Variants in TBCE observed in about 807,000 individuals in gnomAD.
The protein encoded by TBCE is tubulin-specific chaperone E.
In TBCE, 53 loss-of-function variants were observed where a neutral mutation model predicts 77.0. The ratio of observed to expected loss-of-function variants is 0.69; its 90% confidence interval spans 0.55 to 0.87. The LOEUF (loss-of-function observed/expected upper bound fraction) is 0.87. Ranked by LOEUF, TBCE falls within the 40% of genes least tolerant of loss-of-function variation. TBCE has a pLI of 0.00. For synonymous variants in TBCE, 235 were observed against 241.3 expected (o/e 0.97, Z 0.24); for missense variants, 624 against 622.4 (o/e 1.00, Z -0.03).
At chr1:235,404,280 A>G (rs1242465831) in intron 3 of TBCE, among the ~76,000 whole-genome samples, 2 of 109,950 alleles carry the variant, frequency 1.8e-5, no homozygotes, top group African/African-American at 3.1e-5. Context: ...CCGGCTCAAG[A>G]AAAAAAAAAA....
intron 15 of TBCE, among the ~76,000 whole-genome samples, chr1:235,447,297 A>G (rs1475386927): frequency 6.6e-6 from 1 of 152,232 alleles, no homozygotes. Context: ...TGATAGAAAA[A>G]TATGTTTGAA....
At chr1:235,435,618 T>A in intron 8 of TBCE, 127 bp from the exon 9 acceptor site, 3 of 859,834 alleles carry the variant, frequency 3.5e-6, no homozygotes, top group Non-Finnish European at 3.8e-6. Flanking sequence ...GTTGCCCCTT[T>A]ACAGTCATAT....
chr1:235,376,513 G>A (rs947192284), intron 1 of TBCE, among the ~76,000 whole-genome samples: 6 of 152,152 alleles, frequency 3.9e-5, no homozygotes, highest in Non-Finnish European at 8.8e-5. Flanking sequence ...TTAATTTCTT[G>A]TAGGAGTGGA....
intron 2 of TBCE, among the ~76,000 whole-genome samples, chr1:235,396,105 G>A (rs1309620789): frequency 1.3e-5 from 2 of 151,874 alleles, no homozygotes; most frequent in Non-Finnish European, 2.9e-5. Flanking sequence ...TGCCGCCCAG[G>A]CTGGAGTGCA....
At chr1:235,369,198 A>G (rs1676743258) in intron 1 of TBCE, among the ~76,000 whole-genome samples, 1 of 152,122 alleles carries the variant, frequency 6.6e-6, no homozygotes, top group Non-Finnish European at 1.5e-5. Flanking sequence ...CAAGGACTAC[A>G]CATTTCACCT....
At chr1:235,427,272 C>T in intron 6 of TBCE, 33 bp downstream of exon 6, 1 of 1,451,462 alleles carries the variant, frequency 6.9e-7, no homozygotes, top group Non-Finnish European at 9.7e-7. Flanking sequence ...TCTTCATTAA[C>T]AATAAAGCTC....
intron 1 of TBCE, among the ~76,000 whole-genome samples, chr1:235,378,839 C>T (rs1357837151): frequency 2.0e-5 from 3 of 152,054 alleles, no homozygotes; most frequent in African/African-American, 7.2e-5. Context: ...CCAGCCTGGG[C>T]AACAGAGCGA....
chr1:235,406,696 T>C (rs1264613307), intron 3 of TBCE, among the ~76,000 whole-genome samples: 1 of 152,090 alleles, frequency 6.6e-6, no homozygotes, highest in Non-Finnish European at 1.5e-5. Flanking sequence ...TACACCTGGC[T>C]AATTTTTGTA....
At chr1:235,390,179 C>T (rs1678294668) in intron 2 of TBCE, among the ~76,000 whole-genome samples, 1 of 151,774 alleles carries the variant, frequency 6.6e-6, no homozygotes, top group African/African-American at 2.4e-5. Flanking sequence ...CTGCAAATGG[C>T]TTCTTGTAAT....
At chr1:235,401,389 C>A (rs1679091711) in intron 2 of TBCE, 114 bp from the exon 3 acceptor site, 1 of 840,628 alleles carries the variant, frequency 1.2e-6, no homozygotes. Context: ...CCCTCCTCCC[C>A]AAGTGGTATC....
At chr1:235,414,074 T>C (rs1331070541) in intron 3 of TBCE, 6 of 307,988 alleles carry the variant, frequency 1.9e-5, no homozygotes. Context: ...CAGGCTGGTC[T>C]TGAACTCCTG....
intron 2 of TBCE, among the ~76,000 whole-genome samples, chr1:235,397,552 A>G (rs1678817933): frequency 6.6e-6 from 1 of 151,978 alleles, no homozygotes; most frequent in Non-Finnish European, 1.5e-5. Context: ...AACTTTTGTG[A>G]TGGATTAATT....
intron 13 of TBCE, among the ~76,000 whole-genome samples, chr1:235,440,178 G>A (rs1421698369): frequency 6.6e-6 from 1 of 152,098 alleles, no homozygotes; most frequent in Non-Finnish European, 1.5e-5. Context: ...CACCGTGTTA[G>A]CCAGGATGGT....
Position 235,436,625 on chromosome 1 carries a change from G to A in TBCE, c.963+17G>A, listed in dbSNP as rs745800233. 4 of 1,607,230 alleles carry A rather than the reference G, an allele frequency of 2.5e-6. No homozygotes were observed. Among genetic ancestry groups the A allele is most frequent in the Non-Finnish European group, 3.4e-6 (4 of 1,173,640 alleles). On this transcript the variant is annotated intron_variant, in intron 11 of 16. Transcript: ENST00000642610. ...ATATCACAAGTAAGAGCTGCTCGGA[G>A]TATGCCCAGCACACTGTTGCCTCTT...
intron 5 of TBCE, among the ~76,000 whole-genome samples, chr1:235,421,825 G>A (rs1680415482): frequency 1.3e-5 from 2 of 152,190 alleles, no homozygotes; most frequent in Non-Finnish European, 2.9e-5. Context: ...GCAAAAAATA[G>A]CAGTTTTGAT....
Position 235,452,112 on chromosome 1 carries a change from A to G in TBCE, c.*3350A>G, listed in dbSNP as rs1682942574. 6.6e-6 allele frequency: 1 copy of G among 152,006 alleles called. No homozygotes were observed. The highest frequency in any genetic ancestry group is 6.5e-5 in the Admixed American group (1 of 15,272). 9.4% of individuals were successfully genotyped at this position (152,006 alleles called of 1,614,324 possible). A position where few individuals can be genotyped will look rare whatever the true frequency, so the allele number is the denominator to read the frequency against. ...ACTGCAAGCTCTGCCCCCCGGGTTC[A>G]TGCCATTCTCCTGCCTCAGCCTTCT... On this transcript the variant is annotated 3_prime_UTR_variant, in exon 17 of 17. Coordinates refer to ENST00000642610, the MANE Select transcript of TBCE (RefSeq NM_003193.5).
Position 235,377,350 on chromosome 1 carries a change from T to A in TBCE, c.-31-2669T>A, listed in dbSNP as rs529466298. Reference sequence around the variant, plus strand: ...GCGCACTACATGCCCAACTAATTTTTTTGTATTTTTAGTAGAGACAGGGTT... The same window carrying A: ...GCGCACTACATGCCCAACTAATTTTATTGTATTTTTAGTAGAGACAGGGTT... On this transcript the variant is annotated intron_variant, in intron 1 of 16. Coordinates refer to ENST00000642610, the MANE Select transcript of TBCE (RefSeq NM_003193.5). Among the ~76,000 whole-genome samples, 111 of 152,190 alleles carry A rather than the reference T, an allele frequency of 7.3e-4. 1 individual carries two copies. The highest frequency in any genetic ancestry group is 2.6e-3 in the African/African-American group (108 of 41,550).
At chr1:235,442,994 C>G in intron 15 of TBCE, 83 bp downstream of exon 15, 1 of 1,383,798 alleles carries the variant, frequency 7.2e-7, no homozygotes, top group Non-Finnish European at 1.0e-6. Flanking sequence ...ACCTTTAACT[C>G]ATGTCTCAAA....
At chr1:235,415,507 G>C (rs1391272789) in intron 4 of TBCE, 1 of 152,206 alleles carries the variant, frequency 6.6e-6, no homozygotes, top group Non-Finnish European at 1.5e-5. Flanking sequence ...ATCTGGGTAA[G>C]GACCCCTGGT....
Sources: gnomAD v4.1 joint callset for allele counts (sites outside exome capture counted in the v4.1 genomes callset) on GRCh38, gnomAD v4.1.1 for gene constraint, MANE v1.5 for transcripts, NCBI Gene and HGNC (gene_info 2026-07-23, HGNC 2026-07-21) for gene names.